The following ERCC5 variants were observed in gnomAD, a reference collection of about 807,000 sequenced individuals.
The protein encoded by ERCC5 is DNA excision repair protein ERCC-5.
In ERCC5, 68 loss-of-function variants were observed where a neutral mutation model predicts 105.6. That is an observed-to-expected ratio of 0.64 (90% CI 0.53 to 0.79). The LOEUF (loss-of-function observed/expected upper bound fraction) is 0.79, where lower values mean the gene tolerates loss of function less well. ERCC5 is among the 30% of genes least tolerant of loss of function. The pLI is 0.00. For missense variants in ERCC5, 1,373 were observed against 1,426.7 expected, an observed-to-expected ratio of 0.96 and a Z score of 0.61; for synonymous variants, 546 against 526.2, an observed-to-expected ratio of 1.04 and a Z score of -0.51.
chr13:102,858,263 T>C lies in ERCC5; in HGVS notation c.529-12T>C, dbSNP rs1276263350. ...ATGTAAATTTCATGGTGCTGTGATT[T>C]TATCTTTACAGGAAGAGTTCTTTCA... On this transcript the variant is annotated splice_polypyrimidine_tract_variant and intron_variant, in intron 5 of 14. Coordinates refer to ENST00000652225, the MANE Select transcript of ERCC5 (RefSeq NM_000123.4). 6.2e-7 allele frequency: 1 copy of C among 1,614,140 alleles called. No homozygotes were observed. Among genetic ancestry groups the C allele is most frequent in the Admixed American group, 1.7e-5 (1 of 60,030 alleles).
intron 1 of ERCC5, among the ~76,000 whole-genome samples, chr13:102,850,492 T>C (rs1310577574): frequency 6.6e-6 from 1 of 152,080 alleles, no homozygotes; most frequent in African/African-American, 2.4e-5. Context: ...AAGTTTTAGA[T>C]AGTATCTTGA....
At chr13:102,850,883 T>C (rs967650101) in intron 1 of ERCC5, among the ~76,000 whole-genome samples, 3 of 152,050 alleles carry the variant, frequency 2.0e-5, no homozygotes, top group African/African-American at 7.2e-5. Context: ...GAAGAGGGCC[T>C]GAGAAAGATC....
chr13:102,871,531 G>GT (rs1883034115), intron 12 of ERCC5, among the ~76,000 whole-genome samples: 1 of 151,892 alleles, frequency 6.6e-6, no homozygotes, highest in African/African-American at 2.4e-5. Flanking sequence ...TCATATATGT[G>GT]TTTTTTCCAA....
rs375848203 is a variant in ERCC5 at position 102,865,697 on chromosome 13, G to A, written c.1985G>A (p.Ser662Asn). ...TTCATTGAAGTGCAAAGTGTGATTAGTGATGAGGAACTTCAAGCAGAATTC... is the reference window on the plus strand; with the variant it reads ...TTCATTGAAGTGCAAAGTGTGATTAATGATGAGGAACTTCAAGCAGAATTC... ...GSFIEVQSVI[S>N]DEELQAEFPE... is the part of the protein sequence containing the mutation. The change falls in exon 9 of 15, where the codon AGT (serine) becomes AAT (asparagine). Residue 662 changes from serine to asparagine, a missense_variant. Transcript: ENST00000652225. This position sits in a 1 kb window ranked among gnomAD's most constrained non-coding sequence, Gnocchi z 4.0. 4.0e-5 allele frequency: 65 copies of A among 1,613,730 alleles called. No individual in the cohort carries two copies. The highest frequency in any genetic ancestry group is 5.4e-5 in the Non-Finnish European group (64 of 1,179,874).
rs1361823475 is a variant in ERCC5 at position 102,873,280 on chromosome 13, C to T, written c.2901C>T (p.Gly967=). The part of the protein sequence containing the change: ...KIREFCQRYF[G]WNRTKTDESL... Reference sequence around the variant, plus strand: ...GCATATTTTGTCAGCGGTATTTCGGCTGGAACAGAACGAAGACAGATGAAT... The same window carrying T: ...GCATATTTTGTCAGCGGTATTTCGGTTGGAACAGAACGAAGACAGATGAAT... Residue 967 remains glycine (G), a synonymous_variant, in exon 14 of 15, where the codon GGC becomes GGT. Transcript: ENST00000652225. 2 of 1,614,090 alleles carry T rather than the reference C, an allele frequency of 1.2e-6. No homozygotes were observed. The highest frequency in any genetic ancestry group is 2.2e-5 in the East Asian group (1 of 44,862).
intron 6 of ERCC5, 39 bp from the exon 7 acceptor site, chr13:102,861,468 A>G (rs1882615065): frequency 6.2e-7 from 1 of 1,604,934 alleles, no homozygotes; most frequent in African/African-American, 1.3e-5. Flanking sequence ...TCTGTATTTA[A>G]TATAAAACAG....
intron 6 of ERCC5, 62 bp from the exon 7 acceptor site, chr13:102,861,445 T>C: frequency 6.4e-7 from 1 of 1,562,118 alleles, no homozygotes; most frequent in South Asian, 1.1e-5. Context: ...AGGGTGGAAA[T>C]ATGGTAATAT....
chr13:102,853,654 T>C (rs1882285779), intron 2 of ERCC5, 103 bp from the exon 3 acceptor site: 4 of 1,143,800 alleles, frequency 3.5e-6, no homozygotes, highest in African/African-American at 1.5e-5. Context: ...GCAGCCATAG[T>C]CTGAAAACTC....
chr13:102,867,994 AT>A (rs1882901191), intron 11 of ERCC5, 118 bp from the exon 12 acceptor site: 1 of 944,016 alleles, frequency 1.1e-6, no homozygotes, highest in Non-Finnish European at 1.6e-6. Flanking sequence ...ATAATAAGAT[AT>A]TTTTGGTGGT....
At position 102,862,765 on chromosome 13, in the gene ERCC5, A is replaced by C. The variant is rs751654288; in HGVS notation, c.1616A>C (p.His539Pro). Residue 539 changes from histidine to proline, a missense_variant, in exon 8 of 15, where the codon CAT becomes CCT. This residue lies in a region of ERCC5 where 1,004 missense variants were observed against 1,059.7 expected (regional missense o/e 0.95). Coordinates refer to ENST00000652225, the MANE Select transcript of ERCC5 (RefSeq NM_000123.4). ...AATTCTGTGTCAAAGAATGAAACAC[A>C]TGCTGAAGTGCTTGAGCAGCAGAAC... The part of the protein sequence containing the change: ...CTNSVSKNET[H>P]AEVLEQQNEL... 4.3e-6 allele frequency: 7 copies of C among 1,614,130 alleles called. No homozygotes were observed. In the South Asian group the frequency reaches 5.5e-5, roughly 13 times the overall value.
chr13:102,874,171 T>C (rs539641669), intron 14 of ERCC5, among the ~76,000 whole-genome samples: 2 of 152,344 alleles, frequency 1.3e-5, no homozygotes, highest in South Asian at 2.1e-4. Flanking sequence ...AATATTTATC[T>C]CCTTTTTCAT....
At chr13:102,847,437 G>C (rs574941883) in intron 1 of ERCC5, among the ~76,000 whole-genome samples, 1 of 152,110 alleles carries the variant, frequency 6.6e-6, no homozygotes, top group East Asian at 1.9e-4. Flanking sequence ...GGGGATTGGG[G>C]ACGGGAAATG....
intron 10 of ERCC5, 117 bp downstream of exon 10, chr13:102,866,498 C>G (rs1377951367): frequency 1.2e-6 from 2 of 1,602,998 alleles, no homozygotes; most frequent in Non-Finnish European, 1.7e-6. Flanking sequence ...TGATGCCGTT[C>G]CCTGGGGGTC....
chr13:102,853,929 C>T, intron 3 of ERCC5, 57 bp downstream of exon 3: 2 of 1,513,136 alleles, frequency 1.3e-6, no homozygotes, highest in South Asian at 1.1e-5. Context: ...TGATTTTTGT[C>T]TTGATTTCCT....
At chr13:102,869,207 A>G (rs977816037) in intron 12 of ERCC5, among the ~76,000 whole-genome samples, 2 of 152,214 alleles carry the variant, frequency 1.3e-5, no homozygotes, top group Non-Finnish European at 2.9e-5. Context: ...TCTTCCAGTC[A>G]TAGCACACTC....
At chr13:102,861,460 T>C (rs761557480) in intron 6 of ERCC5, 47 bp from the exon 7 acceptor site, 8 of 1,594,070 alleles carry the variant, frequency 5.0e-6, no homozygotes, top group Admixed American at 1.7e-5. Context: ...TAATATTATC[T>C]GTATTTAATA....
At chr13:102,852,952 A>G (rs1882261237) in intron 2 of ERCC5, among the ~76,000 whole-genome samples, 1 of 152,202 alleles carries the variant, frequency 6.6e-6, no homozygotes, top group Admixed American at 6.5e-5. Flanking sequence ...AAACAGTCCA[A>G]ATGACAGCAC....
At chr13:102,854,251 T>A (rs780227817) in intron 3 of ERCC5, 37 bp from the exon 4 acceptor site, 1 of 1,607,614 alleles carries the variant, frequency 6.2e-7, no homozygotes, top group Non-Finnish European at 8.5e-7. Context: ...CTGAGCAGGG[T>A]CTGCATAATC....
At position 102,852,075 on chromosome 13, in the gene ERCC5, A is replaced by G. The variant is rs781163008; in HGVS notation, c.89-43A>G. The G allele has an allele frequency of 6.2e-6, 10 of 1,608,902 alleles. No homozygotes were observed. The East Asian group carries it at 2.2e-4, about 36-fold the overall frequency. On this transcript the variant is annotated intron_variant, in intron 1 of 14. Transcript: ENST00000652225. ...TTAGGAAATTGAAGTTGTGAGGATG[A>G]AGAGAAAAATCCCGGAGTTTTTTCC...
Sources: allele counts gnomAD v4.1 joint callset (sites outside exome capture counted in the v4.1 genomes callset), GRCh38; gene constraint gnomAD v4.1.1; regional missense constraint gnomAD v4.1.1; non-coding constraint Gnocchi (gnomAD v3.1); transcripts MANE v1.5; gene names NCBI Gene and HGNC (gene_info 2026-07-23, HGNC 2026-07-21).